The following LRIT1 variants were observed in gnomAD, a reference collection of about 807,000 sequenced individuals.
LRIT1 encodes leucine rich repeat, Ig-like and transmembrane domains 1.
In LRIT1, 23 loss-of-function variants were observed where a neutral mutation model predicts 24.0. That is an observed-to-expected ratio of 0.96 (90% CI 0.69 to 1.36). LRIT1 has a LOEUF of 1.36. LRIT1 is among the 40% of genes most tolerant of loss of function. LRIT1 has a pLI of 0.00. For synonymous variants in LRIT1, 361 were observed against 340.5 expected, an observed-to-expected ratio of 1.06 and a Z score of -0.66; for missense variants, 846 against 806.3, an observed-to-expected ratio of 1.05 and a Z score of -0.60.
intron 1 of LRIT1, among the ~76,000 whole-genome samples, chr10:84,239,735 C>T (rs773859178): frequency 6.6e-6 from 1 of 152,208 alleles, no homozygotes; most frequent in Non-Finnish European, 1.5e-5. Flanking sequence ...GCACACACTT[C>T]ACGATACAAC....
At position 84,241,366 on chromosome 10, in the gene LRIT1, GA is replaced by G; in HGVS notation, c.73del (p.Ser25LeufsTer19). 3 of 1,613,432 alleles carry G rather than the reference GA, an allele frequency of 1.9e-6. No individual in the cohort carries two copies. The highest frequency in any genetic ancestry group is 2.5e-6 in the Non-Finnish European group (3 of 1,179,788). On this transcript the variant is annotated frameshift_variant, in exon 1 of 4. Coordinates refer to ENST00000372105, the MANE Select transcript of LRIT1 (RefSeq NM_015613.3). LOFTEE classifies it high-confidence loss of function. Reference sequence around the variant, plus strand: ...GATATGGAGGCTGCAGCTGCATTGAGAGGGGCAGAAGCCCCGGGCCTGGGGG... The same window carrying G: ...GATATGGAGGCTGCAGCTGCATTGAGGGGGCAGAAGCCCCGGGCCTGGGGG... ...WPPQARGFCP[S>X]QCSCSLHIMG...
Position 84,232,397 on chromosome 10 carries a change from G to A in LRIT1, c.1402C>T (p.Gln468Ter). The A allele has an allele frequency of 6.2e-7, 1 of 1,614,060 alleles. No individual in the cohort carries two copies. The highest frequency in any genetic ancestry group is 8.5e-7 in the Non-Finnish European group (1 of 1,179,992). ...AFSVLYAVFGQHSMRRVIVQP... is the reference protein window; with the variant it reads ...AFSVLYAVFG ...ACAATCACCCGCCGCATGCTGTGCT[G>A]CCCAAAGACCGCGTAGAGGACACTG... is the stretch of plus-strand genomic sequence containing the variant. The change falls in exon 4 of 4, where the codon CAG (glutamine) becomes TAG (stop). Residue 468 changes from glutamine (Q) to a stop codon, truncating the protein, a stop_gained. Coordinates refer to ENST00000372105, the MANE Select transcript of LRIT1 (RefSeq NM_015613.3). LOFTEE classifies it low-confidence loss of function (END_TRUNC).
At chr10:84,235,399 T>C (rs1842639613) in intron 2 of LRIT1, among the ~76,000 whole-genome samples, 1 of 152,158 alleles carries the variant, frequency 6.6e-6, no homozygotes, top group African/African-American at 2.4e-5. Flanking sequence ...AACCCAAGAT[T>C]CATCAATGCC....
intron 3 of LRIT1, among the ~76,000 whole-genome samples, chr10:84,233,591 TGCAAAATAAGAA>T (rs2132862623): frequency 1.3e-5 from 2 of 152,324 alleles, no homozygotes; most frequent in South Asian, 4.1e-4. Flanking sequence ...CTTACTTATA[TGCAAAATAAGAA>T]GGAAAATTGG....
chr10:84,240,457 T>G (rs1842683163), intron 1 of LRIT1, among the ~76,000 whole-genome samples: 1 of 152,186 alleles, frequency 6.6e-6, no homozygotes, highest in African/African-American at 2.4e-5. Flanking sequence ...TCCAATAACA[T>G]TGTTCCCAGG....
Position 84,237,440 on chromosome 10 carries a change from G to T in LRIT1, c.369C>A (p.Pro123=). ...RLPGNRLAAF[P]WAALRDAPKL... ...TGGGGGCGTCCCTGAGCGCCGCCCA[G>T]GGGAAGGCGGCCAGGCGGTTCCCGG... is the stretch of plus-strand genomic sequence containing the variant. Residue 123 remains proline, a synonymous_variant, in exon 2 of 4, where the codon CCC becomes CCA. Transcript: ENST00000372105. The T allele has an allele frequency of 6.4e-7, 1 of 1,552,164 alleles. No homozygotes were observed.
intron 1 of LRIT1, among the ~76,000 whole-genome samples, chr10:84,238,315 A>G (rs924111472): frequency 1.3e-5 from 2 of 151,140 alleles, no homozygotes; most frequent in African/African-American, 2.4e-5. Flanking sequence ...AGATCACCCC[A>G]CTGCACTCCA....
At position 84,238,230 on chromosome 10, in the gene LRIT1, C is replaced by T. The variant is rs186577605; in HGVS notation, c.123-544G>A. 5.6e-3 allele frequency among the ~76,000 whole-genome samples: 856 copies of T among 152,102 alleles called. 5 individuals carry two copies. Among genetic ancestry groups the T allele is most frequent in the Admixed American group, 9.7e-3 (148 of 15,270 alleles). ...ATTAGCCAGGCATTGTGGTGCACCC[C>T]TGTAGTCCCAGCTACTCGGGAGGCT... On this transcript the variant is annotated intron_variant, in intron 1 of 3. Coordinates refer to ENST00000372105, the MANE Select transcript of LRIT1 (RefSeq NM_015613.3).
chr10:84,237,671 G>A lies in LRIT1; in HGVS notation c.138C>T (p.Asn46=). The stretch of plus-strand genomic sequence containing the variant: ...CCGGGGGCAGGGTCATGTCGGGGTC[G>A]TTGCACACTACTGTCCTGCTGGCAG... The part of the protein sequence containing the change: ...DGSKARTVVC[N]DPDMTLPPAS... Residue 46 remains asparagine (N), a synonymous_variant, in exon 2 of 4, where the codon AAC becomes AAT. Transcript: ENST00000372105. The A allele has an allele frequency of 6.2e-7, 1 of 1,601,256 alleles. No homozygotes were observed. Among genetic ancestry groups the A allele is most frequent in the African/African-American group, 1.3e-5 (1 of 74,882 alleles).
In LRIT1 at chr10:84,241,303, C is replaced by T; in HGVS notation, c.122+15G>A. ...TGGAGGCTGGGCTGCCCGTCCCACG[C>T]ACCCGGTACCATACCTGGCCTTGCT... On this transcript the variant is annotated intron_variant, in intron 1 of 3. Transcript: ENST00000372105. 1 of 1,613,868 alleles carries T rather than the reference C, an allele frequency of 6.2e-7. No homozygotes were observed. Among genetic ancestry groups the T allele is most frequent in the Non-Finnish European group, 8.5e-7 (1 of 1,179,928 alleles).
chr10:84,237,125 G>T, intron 2 of LRIT1, 95 bp downstream of exon 2: 1 of 1,029,576 alleles, frequency 9.7e-7, no homozygotes, highest in East Asian at 2.6e-5. Flanking sequence ...GCTCAAACCT[G>T]GAAGGAAGGT....
chr10:84,237,443 G>A lies in LRIT1; in HGVS notation c.366C>T (p.Phe122=), dbSNP rs745798201. The A allele has an allele frequency of 2.6e-6, 4 of 1,553,434 alleles. No individual in the cohort carries two copies. The highest frequency in any genetic ancestry group is 4.8e-5 in the East Asian group (2 of 41,678). The change falls in exon 2 of 4, where the codon TTC becomes TTT. Residue 122 remains phenylalanine, a synonymous_variant. Transcript: ENST00000372105. The stretch of plus-strand genomic sequence containing the variant: ...GGGCGTCCCTGAGCGCCGCCCAGGG[G>A]AAGGCGGCCAGGCGGTTCCCGGGCA... ...LRLPGNRLAA[F]PWAALRDAPK...
chr10:84,239,541 G>T (rs1277441247), intron 1 of LRIT1, among the ~76,000 whole-genome samples: 1 of 152,190 alleles, frequency 6.6e-6, no homozygotes, highest in African/African-American at 2.4e-5. Flanking sequence ...GAACGGGAGA[G>T]AAAACGGTAA....
rs866761270 is a variant in LRIT1, at chr10:84,234,744, C to A, written c.590-366G>T. ...AATTGCAATATGACAAAATCCATTT[C>A]CAGAAATGCATCACTGACCCCTGAT... On this transcript the variant is annotated intron_variant, in intron 2 of 3. Coordinates refer to ENST00000372105, the MANE Select transcript of LRIT1 (RefSeq NM_015613.3). 2.0e-5 allele frequency among the ~76,000 whole-genome samples: 3 copies of A among 152,184 alleles called. No homozygotes were observed. In the South Asian group the frequency reaches 6.2e-4, roughly 32 times the overall value.
At position 84,237,365 on chromosome 10, in the gene LRIT1, A is replaced by C; in HGVS notation, c.444T>G (p.Ala148=). The part of the protein sequence containing the change: ...LQANRLSAVP[A]EAARFLENLT... The stretch of plus-strand genomic sequence containing the variant: ...GGTTCTCCAGGAAGCGCGCGGCCTC[A>C]GCGGGCACAGCCGAGAGGCGGTTGG... The change falls in exon 2 of 4, where the codon GCT becomes GCG. Residue 148 remains alanine, a synonymous_variant. Coordinates refer to ENST00000372105, the MANE Select transcript of LRIT1 (RefSeq NM_015613.3). The C allele has an allele frequency of 1.3e-6, 2 of 1,549,892 alleles. No individual in the cohort carries two copies. Among genetic ancestry groups the C allele is most frequent in the Non-Finnish European group, 1.7e-6 (2 of 1,146,918 alleles).
chr10:84,237,515 G>A lies in LRIT1; in HGVS notation c.294C>T (p.Leu98=). The A allele has an allele frequency of 6.2e-7, 1 of 1,603,272 alleles. No homozygotes were observed. Among genetic ancestry groups the A allele is most frequent in the South Asian group, 1.1e-5 (1 of 90,778 alleles). ...GCAGGCCCCGCAGCATGAGGGCGTT[G>A]AGCTCGCTGAGGGCGTTGTAAGGCA... The part of the protein sequence containing the change: ...LWLPYNALSE[L]NALMLRGLRR... Residue 98 remains leucine (L), a synonymous_variant, in exon 2 of 4, where the codon CTC becomes CTT. Coordinates refer to ENST00000372105, the MANE Select transcript of LRIT1 (RefSeq NM_015613.3).
At chr10:84,235,391 C>T (rs911470439) in intron 2 of LRIT1, among the ~76,000 whole-genome samples, 2 of 152,138 alleles carry the variant, frequency 1.3e-5, no homozygotes, top group African/African-American at 4.8e-5. Context: ...ACATCTGCAA[C>T]CCAAGATTCA....
chr10:84,235,936 T>A (rs191846077), intron 2 of LRIT1, among the ~76,000 whole-genome samples: 33 of 151,516 alleles, frequency 2.2e-4, no homozygotes, highest in African/African-American at 7.3e-4. Flanking sequence ...ATGTCTAATA[T>A]GCACACTCTG....
chr10:84,237,939 C>A (rs145025953), intron 1 of LRIT1, among the ~76,000 whole-genome samples: 4 of 152,300 alleles, frequency 2.6e-5, no homozygotes, highest in Non-Finnish European at 5.9e-5. Context: ...TCCGGCAAGA[C>A]CCCACCCTTA....
Sources: gnomAD v4.1 joint callset for allele counts (sites outside exome capture counted in the v4.1 genomes callset) on GRCh38, gnomAD v4.1.1 for gene constraint, MANE v1.5 for transcripts, NCBI Gene and HGNC (gene_info 2026-07-23, HGNC 2026-07-21) for gene names.